AR: variants seen among roughly 807,000 people sequenced by gnomAD.
AR encodes the protein androgen receptor.
AR carries 8 observed loss-of-function variants against 53.9 expected under a neutral mutation model. The ratio of observed to expected loss-of-function variants is 0.15; its 90% CI spans 0.09 to 0.27. The LOEUF is 0.27. Ranked by LOEUF, AR falls within the 10% of genes least tolerant of loss-of-function variation. The pLI, the probability that AR is intolerant of heterozygous loss-of-function variation, is 1.00. For missense variants in AR, 639 were observed against 742.5 expected (o/e 0.86, Z 1.62); for synonymous variants, 359 against 316.4 (o/e 1.13, Z -1.43).
intron 1 of AR, among the ~76,000 whole-genome samples, chrX:67,600,184 G>A (rs1382896682): frequency 9.0e-6 from 1 of 110,918 alleles, no homozygotes; most frequent in East Asian, 2.8e-4. Flanking sequence ...AAAAACTGAG[G>A]TTTGTTATGG....
At chrX:67,629,887 C>G (rs1311999867) in intron 1 of AR, among the ~76,000 whole-genome samples, 2 of 111,021 alleles carry the variant, frequency 1.8e-5, no homozygotes. Flanking sequence ...GCCTTCATTT[C>G]GTTATGTACC....
Position 67,546,387 on chromosome X carries a change from T to C in AR, c.1241T>C (p.Leu414Pro), listed in dbSNP as rs1391852512. The C allele has an allele frequency of 8.4e-7, 1 of 1,184,182 alleles. No individual in the cohort carries two copies. The highest frequency in any genetic ancestry group is 1.1e-6 in the Non-Finnish European group (1 of 882,401). ...AQCRYGDLAS[L>P]HGAGAAGPGS... ...TGCCGCTATGGGGACCTGGCGAGCCTGCATGGCGCGGGTGCAGCGGGACCC... is the reference window on the plus strand; with the variant it reads ...TGCCGCTATGGGGACCTGGCGAGCCCGCATGGCGCGGGTGCAGCGGGACCC... The change falls in exon 1 of 8, where the codon CTG becomes CCG. Residue 414 changes from leucine (L) to proline (P), a missense_variant. Leu to Pro is a moderately conservative substitution (Grantham distance 98). Coordinates refer to ENST00000374690, the MANE Select transcript of AR (RefSeq NM_000044.6).
At chrX:67,700,839 A>G (rs2076039282) in intron 3 of AR, among the ~76,000 whole-genome samples, 1 of 112,226 alleles carries the variant, frequency 8.9e-6, no homozygotes, top group African/African-American at 3.2e-5. Flanking sequence ...GATCTGAGTC[A>G]TTGGTGGGAA....
At position 67,662,493 on chromosome X, in the gene AR, T is replaced by A. The variant is rs1267086107; in HGVS notation, c.1768+19086T>A. ...GTAGGTTGTTCAGTTTCCATGTAGT[T>A]GAGCGGTTTTGAGTGAGTTTCTTAA... On this transcript the variant is annotated intron_variant, in intron 2 of 7. Transcript: ENST00000374690. Among the ~76,000 whole-genome samples the A allele has an allele frequency of 3.6e-5, 4 of 111,779 alleles. No individual in the cohort carries two copies. In the Admixed American group the frequency reaches 3.8e-4, roughly 11 times the overall value.
chrX:67,618,200 G>T (rs984823598), intron 1 of AR, among the ~76,000 whole-genome samples: 7 of 111,561 alleles, frequency 6.3e-5, no homozygotes, highest in African/African-American at 2.3e-4. Context: ...TGAGGACAGA[G>T]AAATAATCTA....
rs1602258534 is a variant in AR, at chrX:67,690,555, C to G, written c.1885+4429C>G. The stretch of plus-strand genomic sequence containing the variant: ...AGCATTTATTCATCCATGTATCTAT[C>G]CATTCATCCTTCCAGCCAGCCAAGA... On this transcript the variant is annotated intron_variant, in intron 3 of 7. Transcript: ENST00000374690. Among the ~76,000 whole-genome samples, 3 of 112,030 alleles carry G rather than the reference C, an allele frequency of 2.7e-5. No individual in the cohort carries two copies. The East Asian group carries it at 8.4e-4, about 32-fold the overall frequency.
At chrX:67,594,436 A>G (rs1922986392) in intron 1 of AR, among the ~76,000 whole-genome samples, 1 of 112,505 alleles carries the variant, frequency 8.9e-6, no homozygotes, top group Admixed American at 9.4e-5. Context: ...ATAAAAATGA[A>G]AATATTACTT....
chrX:67,562,446 G>T (rs1921373162), intron 1 of AR, among the ~76,000 whole-genome samples: 1 of 108,817 alleles, frequency 9.2e-6, no homozygotes, highest in African/African-American at 3.4e-5. Context: ...TCAAAATTCA[G>T]ATTTCCACCA....
At chrX:67,624,358 G>A (rs1044899086) in intron 1 of AR, among the ~76,000 whole-genome samples, 13 of 111,811 alleles carry the variant, frequency 1.2e-4, no homozygotes, top group Non-Finnish European at 2.3e-4. Flanking sequence ...CCTGTAACAA[G>A]TCCTGTAACA....
At chrX:67,705,486 C>G (rs997931816) in intron 3 of AR, among the ~76,000 whole-genome samples, 1 of 111,595 alleles carries the variant, frequency 9.0e-6, no homozygotes, top group African/African-American at 3.3e-5. Context: ...GATTTTTGCA[C>G]ATTGATTTTG....
intron 1 of AR, among the ~76,000 whole-genome samples, chrX:67,598,905 T>C (rs1388783793): frequency 3.6e-5 from 4 of 111,105 alleles, no homozygotes; most frequent in Non-Finnish European, 7.5e-5. Context: ...ATGGACATGG[T>C]AGAATCTTTG....
intron 3 of AR, among the ~76,000 whole-genome samples, chrX:67,706,237 G>T (rs769670809): frequency 4.3e-3 from 476 of 111,720 alleles, no homozygotes; most frequent in Non-Finnish European, 7.3e-3. Flanking sequence ...GCTCCTCCTT[G>T]TACCTCTGGT....
chrX:67,627,562 T>G (rs1457419775), intron 1 of AR, among the ~76,000 whole-genome samples: 3 of 111,766 alleles, frequency 2.7e-5, no homozygotes, highest in Non-Finnish European at 5.6e-5. Context: ...TTGCGAAAAT[T>G]TTCTCTCATT....
chrX:67,624,904 CAAAAAAAAAAAAAAA>C (rs140323582), intron 1 of AR, among the ~76,000 whole-genome samples: 3 of 18,186 alleles, frequency 1.6e-4, no homozygotes, highest in Non-Finnish European at 2.3e-4. Context: ...GGCAATTAGG[CAAAAAAAAAAAAAAA>C]AAAAAAAAAA....
chrX:67,563,996 C>T (rs1227769984), intron 1 of AR, among the ~76,000 whole-genome samples: 1 of 111,550 alleles, frequency 9.0e-6, no homozygotes, highest in South Asian at 3.8e-4. Context: ...GATCTCCCTT[C>T]TCATCCTTGT....
intron 2 of AR, among the ~76,000 whole-genome samples, chrX:67,659,008 G>C (rs773971077): frequency 1.8e-5 from 2 of 111,138 alleles, no homozygotes; most frequent in South Asian, 7.7e-4. Context: ...GGGGATTGTG[G>C]CTTCCAGATG....
chrX:67,647,121 A>T (rs150619880), intron 2 of AR, among the ~76,000 whole-genome samples: 1 of 112,039 alleles, frequency 8.9e-6, no homozygotes, highest in African/African-American at 3.2e-5. Flanking sequence ...TTATGTGCTC[A>T]AGAATTTACT....
At chrX:67,671,912 G>A (rs2075867841) in intron 2 of AR, among the ~76,000 whole-genome samples, 1 of 111,536 alleles carries the variant, frequency 9.0e-6, no homozygotes, top group Non-Finnish European at 1.9e-5. Flanking sequence ...GGTTGTAGAT[G>A]TGTGGTGTTA....
rs113058909 is a variant in AR at position 67,550,434 on chromosome X, T to C, written c.1616+3672T>C. Among the ~76,000 whole-genome samples, 487 of 111,103 alleles carry C rather than the reference T, an allele frequency of 4.4e-3. 4 individuals carry two copies. Among genetic ancestry groups the C allele is most frequent in the African/African-American group, 0.015 (465 of 30,615 alleles). On this transcript the variant is annotated intron_variant, in intron 1 of 7. Transcript: ENST00000374690. ...AAACAAAAATTCTTTGGTCTCCTTATGCGTATATGCACTGCGGCTTGTACA... is the reference window on the plus strand; with the variant it reads ...AAACAAAAATTCTTTGGTCTCCTTACGCGTATATGCACTGCGGCTTGTACA...
Sources: gnomAD v4.1 joint callset for allele counts (sites outside exome capture counted in the v4.1 genomes callset) on GRCh38, gnomAD v4.1.1 for gene constraint, MANE v1.5 for transcripts, NCBI Gene and HGNC (gene_info 2026-07-23, HGNC 2026-07-21) for gene names.